The following COQ8A variants were observed in gnomAD, a reference collection of about 807,000 sequenced individuals.
COQ8A encodes the protein atypical kinase COQ8A, mitochondrial.
Under a neutral mutation model 65.0 loss-of-function variants are expected in COQ8A, and 51 were observed. The observed-to-expected ratio is 0.78, with a 90% CI of 0.63 to 0.99. The LOEUF (loss-of-function observed/expected upper bound fraction) is 0.99, where lower values mean the gene tolerates loss of function less well. Among genes scored for constraint, COQ8A ranks in the 50% least tolerant of loss-of-function variants. The pLI is 0.00. For missense variants in COQ8A, 940 were observed against 875.0 expected (o/e 1.07, Z -0.94); for synonymous variants, 371 against 353.2 (o/e 1.05, Z -0.57).
chr1:226,966,160 TC>T (rs71772324), intron 4 of COQ8A, among the ~76,000 whole-genome samples: 27,479 of 152,164 alleles, frequency 0.18, 2,735 homozygotes, highest in South Asian at 0.38. Context: ...GGGCTTTCTT[TC>T]CCCCTGGGAC....
intron 4 of COQ8A, among the ~76,000 whole-genome samples, chr1:226,974,512 G>A (rs1324774678): frequency 1.3e-5 from 2 of 152,208 alleles, no homozygotes; most frequent in East Asian, 1.9e-4. Flanking sequence ...ACGAGGACCC[G>A]GGGAGTGCCG....
chr1:226,971,194 G>A (rs746821196), intron 4 of COQ8A, among the ~76,000 whole-genome samples: 3 of 151,940 alleles, frequency 2.0e-5, no homozygotes, highest in Non-Finnish European at 4.4e-5. Context: ...ACCCACCTCT[G>A]CCTCCCAAAG....
chr1:226,985,016 G>C (rs1392023291), intron 13 of COQ8A, 75 bp downstream of exon 13: 10 of 1,562,974 alleles, frequency 6.4e-6, no homozygotes, highest in Non-Finnish European at 7.9e-6. Flanking sequence ...ACTCGGGGTA[G>C]GGAGAATGAC....
At position 226,977,471 on chromosome 1, in the gene COQ8A, C is replaced by T. The variant is rs529746753; in HGVS notation, c.678C>T (p.Phe226=). The part of the protein sequence containing the change: ...NFGGLAVGLG[F]GALAEVAKKS... ...CAGGTCTGGCCGTGGGCCTGGGCTT[C>T]GGGGCACTGGCAGAGGTCGCCAAGA... Residue 226 remains phenylalanine (F), a synonymous_variant, in exon 5 of 15, where the codon TTC becomes TTT. Coordinates refer to ENST00000366777, the MANE Select transcript of COQ8A (RefSeq NM_020247.5). 1.1e-5 allele frequency: 17 copies of T among 1,566,724 alleles called. No individual in the cohort carries two copies. Among genetic ancestry groups the T allele is most frequent in the South Asian group, 3.5e-5 (3 of 85,144 alleles).
intron 4 of COQ8A, among the ~76,000 whole-genome samples, chr1:226,971,600 T>A (rs958552846): frequency 6.6e-6 from 1 of 152,226 alleles, no homozygotes; most frequent in Non-Finnish European, 1.5e-5. Flanking sequence ...TTTATTTTTT[T>A]AAGGTATTTT....
rs1258643485 is a variant in COQ8A, at chr1:226,985,692, G to A, written c.1659+352G>A. 4.6e-5 allele frequency among the ~76,000 whole-genome samples: 7 copies of A among 152,218 alleles called. 1 individual carries two copies. Among genetic ancestry groups the A allele is most frequent in the Non-Finnish European group, 1.0e-4 (7 of 68,038 alleles). On this transcript the variant is annotated intron_variant, in intron 14 of 14. Coordinates refer to ENST00000366777, the MANE Select transcript of COQ8A (RefSeq NM_020247.5). Reference sequence around the variant, plus strand: ...CGAGCCTCCCTGGGGGGAGTTGGAAGAAACCTTAGAAGCCTTTTAAATAAA... The same window carrying A: ...CGAGCCTCCCTGGGGGGAGTTGGAAAAAACCTTAGAAGCCTTTTAAATAAA...
intron 10 of COQ8A, 35 bp from the exon 11 acceptor site, chr1:226,984,059 C>T (rs1414497759): frequency 4.3e-6 from 7 of 1,611,924 alleles, no homozygotes; most frequent in Admixed American, 3.3e-5. Context: ...TGTGGAGGGC[C>T]TGTGGCTAGG....
In COQ8A at chr1:226,950,405, G is replaced by T. The variant is rs73087606; in HGVS notation, c.-10+10006G>T. ...TGGGACATCAAAAACACACTGTTTT[G>T]CTCTTTTTCTCCTCTTACCTGTTAA... On this transcript the variant is annotated intron_variant, in intron 1 of 14. Transcript: ENST00000366777. 5.7e-3 allele frequency among the ~76,000 whole-genome samples: 873 copies of T among 152,338 alleles called. 8 individuals carry two copies. The highest frequency in any genetic ancestry group is 0.02 in the African/African-American group (820 of 41,578).
intron 1 of COQ8A, among the ~76,000 whole-genome samples, chr1:226,959,806 G>A (rs894515525): frequency 6.6e-6 from 1 of 152,202 alleles, no homozygotes; most frequent in Non-Finnish European, 1.5e-5. Flanking sequence ...GAGTTCACTG[G>A]GTATGTAGGA....
intron 8 of COQ8A, 101 bp downstream of exon 8, chr1:226,983,135 A>C: frequency 6.8e-7 from 1 of 1,469,620 alleles, no homozygotes; most frequent in Non-Finnish European, 9.1e-7. Context: ...CCCGCAGGGC[A>C]CCCTCTCTCC....
chr1:226,969,703 C>T (rs961399674), intron 4 of COQ8A, among the ~76,000 whole-genome samples: 4 of 151,602 alleles, frequency 2.6e-5, no homozygotes, highest in African/African-American at 7.3e-5. Context: ...CCTGTACTTT[C>T]AACTTTTAAA....
At chr1:226,970,721 C>G (rs1024680636) in intron 4 of COQ8A, among the ~76,000 whole-genome samples, 2 of 152,116 alleles carry the variant, frequency 1.3e-5, no homozygotes, top group Admixed American at 1.3e-4. Context: ...TACCTTAGAA[C>G]ACTTTTTAGA....
In COQ8A at chr1:226,961,410, A is replaced by G. The variant is rs529609184; in HGVS notation, c.25A>G (p.Ile9Val). The G allele has an allele frequency of 1.3e-4, 207 of 1,613,816 alleles. 1 individual carries two copies. In the South Asian group the frequency reaches 2.1e-3, roughly 16 times the overall value. The part of the protein sequence containing the change: MAAILGDT[I>V]MVAKGLVKLT... ...GATGGCTGCCATATTGGGAGACACCATCATGGTGGCTAAAGGCCTTGTCAA... is the reference window on the plus strand; with the variant it reads ...GATGGCTGCCATATTGGGAGACACCGTCATGGTGGCTAAAGGCCTTGTCAA... The change falls in exon 2 of 15, where the codon ATC (isoleucine) becomes GTC (valine). Residue 9 changes from isoleucine (I) to valine (V), a missense_variant. Ile to Val is a conservative substitution (Grantham distance 29, BLOSUM62 3). Transcript: ENST00000366777.
Position 226,946,616 on chromosome 1 carries a change from G to C in COQ8A, c.-10+6217G>C, listed in dbSNP as rs1657061122. Among the ~76,000 whole-genome samples, 1 of 152,214 alleles carries C rather than the reference G, an allele frequency of 6.6e-6. No homozygotes were observed. The highest frequency in any genetic ancestry group is 1.9e-4 in the East Asian group (1 of 5,200). On this transcript the variant is annotated intron_variant, in intron 1 of 14. Coordinates refer to ENST00000366777, the MANE Select transcript of COQ8A (RefSeq NM_020247.5). The surrounding 1 kb of genome is among the most constrained non-coding windows in gnomAD (Gnocchi z 5.3). The stretch of plus-strand genomic sequence containing the variant: ...TCTTCTCATTTCTCGTTGCGTGTGT[G>C]GTTGTTGTCTGTCTAGGATTGCCCC...
At chr1:226,980,107 CTG>C (rs1004797239) in intron 5 of COQ8A, among the ~76,000 whole-genome samples, 4 of 152,238 alleles carry the variant, frequency 2.6e-5, no homozygotes, top group South Asian at 2.1e-4. Flanking sequence ...CAGCCCCAAA[CTG>C]TGCTCCAGCT....
chr1:226,956,019 C>A (rs1163900198), intron 1 of COQ8A, among the ~76,000 whole-genome samples: 1 of 138,456 alleles, frequency 7.2e-6, no homozygotes, highest in African/African-American at 3.0e-5. Flanking sequence ...GGCTCCCACT[C>A]TCCCTGGTTC....
At chr1:226,956,424 A>C (rs376191521) in intron 1 of COQ8A, among the ~76,000 whole-genome samples, 1 of 84,944 alleles carries the variant, frequency 1.2e-5, no homozygotes, top group Non-Finnish European at 2.3e-5. Context: ...GCTCTCCCTG[A>C]TTCACACTCT....
intron 3 of COQ8A, 109 bp from the exon 4 acceptor site, chr1:226,965,562 G>C: frequency 6.6e-7 from 1 of 1,508,234 alleles, no homozygotes; most frequent in Admixed American, 1.7e-5. Flanking sequence ...CTGTCAGGCG[G>C]AGCTGCTGAC....
chr1:226,971,665 T>C (rs1658919880), intron 4 of COQ8A, among the ~76,000 whole-genome samples: 1 of 152,254 alleles, frequency 6.6e-6, no homozygotes, highest in Non-Finnish European at 1.5e-5. Context: ...ACTTTAATAA[T>C]ATTCCTCTAT....
Sources: allele counts gnomAD v4.1 joint callset (sites outside exome capture counted in the v4.1 genomes callset), GRCh38; gene constraint gnomAD v4.1.1; non-coding constraint Gnocchi (gnomAD v3.1); transcripts MANE v1.5; gene names NCBI Gene and HGNC (gene_info 2026-07-23, HGNC 2026-07-21).